FSTL4: variants seen among roughly 807,000 people sequenced by gnomAD.
FSTL4 encodes follistatin-related protein 4.
A neutral mutation model predicts 78.2 loss-of-function variants in FSTL4; 28 were observed. That is an observed-to-expected ratio of 0.36 (90% CI 0.27 to 0.49). The LOEUF (loss-of-function observed/expected upper bound fraction) is 0.49. FSTL4 is among the 20% of genes least tolerant of loss of function. FSTL4 has a pLI of 0.98. For synonymous variants in FSTL4, 422 were observed against 440.5 expected (o/e 0.96, Z 0.53); for missense variants, 922 against 1,084.9 (o/e 0.85, Z 2.11).
chr5:133,666,589 A>AAAG, the FSTL4 span, among the ~76,000 whole-genome samples: 3 of 151,840 alleles, frequency 2.0e-5, no homozygotes, highest in Non-Finnish European at 2.9e-5. Context: ...TAAAAAAAAA[A>AAAG]AAAAAGTCTG....
chr5:133,323,459 G>T (rs1425536206), intron 4 of FSTL4, among the ~76,000 whole-genome samples: 1 of 152,212 alleles, frequency 6.6e-6, no homozygotes, highest in African/African-American at 2.4e-5. Context: ...GGACAGGTTG[G>T]CAACTAAATC....
rs2127002889 is a variant in FSTL4, at chr5:133,440,895, A to T, written c.161-39909T>A. ...GATACAGTGGACTACTGCCTCCTGC[A>T]CTTGGCCTCCTGGGTCTGGGTCAGG... On this transcript the variant is annotated intron_variant, in intron 3 of 15. Transcript: ENST00000265342. The surrounding 1 kb of genome is among the most constrained non-coding windows in gnomAD (Gnocchi z 4.1). 6.6e-6 allele frequency among the ~76,000 whole-genome samples: 1 copy of T among 152,268 alleles called. No individual in the cohort carries two copies. Among genetic ancestry groups the T allele is most frequent in the East Asian group, 1.9e-4 (1 of 5,182 alleles).
At chr5:133,758,670 A>T in the FSTL4 span, among the ~76,000 whole-genome samples, 1 of 152,232 alleles carries the variant, frequency 6.6e-6, no homozygotes, top group Non-Finnish European at 1.5e-5. Flanking sequence ...TGCATTATTT[A>T]TCTATTGCAG....
chr5:133,366,510 G>GAGTGAC (rs1755183855), intron 4 of FSTL4, among the ~76,000 whole-genome samples: 1 of 152,142 alleles, frequency 6.6e-6, no homozygotes. Context: ...TTTACTGACA[G>GAGTGAC]AGTGACAGTG....
At chr5:133,744,118 T>C in the FSTL4 span, among the ~76,000 whole-genome samples, 21 of 152,294 alleles carry the variant, frequency 1.4e-4, no homozygotes, top group African/African-American at 4.8e-4. Context: ...AACCAGCACA[T>C]TTCCTTCATG....
the FSTL4 span, among the ~76,000 whole-genome samples, chr5:133,745,901 A>T: frequency 1.3e-5 from 2 of 152,208 alleles, no homozygotes; most frequent in Non-Finnish European, 2.9e-5. Context: ...AATGACAAAC[A>T]AGTTCCCCGT....
chr5:133,688,913 G>A, the FSTL4 span, among the ~76,000 whole-genome samples: 3 of 152,192 alleles, frequency 2.0e-5, no homozygotes, highest in Non-Finnish European at 4.4e-5. Context: ...GAGAAACAAA[G>A]TCCTGTAGCC....
At chr5:133,702,371 C>G in the FSTL4 span, among the ~76,000 whole-genome samples, 1 of 152,184 alleles carries the variant, frequency 6.6e-6, no homozygotes, top group Admixed American at 6.5e-5. Context: ...AGGGCCAGAC[C>G]AGCGGCAGGT....
chr5:133,689,548 A>G, the FSTL4 span, among the ~76,000 whole-genome samples: 1 of 152,212 alleles, frequency 6.6e-6, no homozygotes, highest in East Asian at 1.9e-4. Flanking sequence ...TGCGTATGCT[A>G]TGCTGGGCAC....
the FSTL4 span, among the ~76,000 whole-genome samples, chr5:133,731,779 C>T: frequency 3.3e-5 from 5 of 152,154 alleles, no homozygotes; most frequent in Non-Finnish European, 7.4e-5. Context: ...AGCTGCTGAC[C>T]GGAGAGGAAG....
chr5:133,789,627 G>A, the FSTL4 span, among the ~76,000 whole-genome samples: 1,673 of 152,272 alleles, frequency 0.011, 35 homozygotes, highest in African/African-American at 0.038. Flanking sequence ...TCAGGCTGTC[G>A]TAACAAAGTA....
At chr5:133,673,761 A>G in the FSTL4 span, among the ~76,000 whole-genome samples, 2 of 152,264 alleles carry the variant, frequency 1.3e-5, no homozygotes, top group Admixed American at 6.5e-5. Flanking sequence ...GGGACTCACA[A>G]TCTAGTGAGG....
intron 6 of FSTL4, among the ~76,000 whole-genome samples, chr5:133,303,676 T>G (rs1237400828): frequency 6.6e-6 from 1 of 152,184 alleles, no homozygotes; most frequent in African/African-American, 2.4e-5. Flanking sequence ...GTGGTGGGGT[T>G]CTGCAGGGCA....
At chr5:133,541,356 T>C (rs549663192) in intron 3 of FSTL4, among the ~76,000 whole-genome samples, 1 of 152,194 alleles carries the variant, frequency 6.6e-6, no homozygotes, top group South Asian at 2.1e-4. Context: ...ATGGACTAGT[T>C]TGCACAGGGA....
At chr5:133,362,675 GGAAAAT>G (rs1325014639) in intron 4 of FSTL4, among the ~76,000 whole-genome samples, 2 of 152,262 alleles carry the variant, frequency 1.3e-5, no homozygotes, top group African/African-American at 4.8e-5. Flanking sequence ...CATGGAGACT[GGAAAAT>G]GCTCCCTGTC....
chr5:133,512,862 G>A (rs538388005), intron 3 of FSTL4, among the ~76,000 whole-genome samples: 2 of 152,176 alleles, frequency 1.3e-5, no homozygotes, highest in South Asian at 4.2e-4. Context: ...CTCTCGCCCA[G>A]GCTGGAGTGC....
chr5:133,737,793 C>T, the FSTL4 span, among the ~76,000 whole-genome samples: 4 of 151,858 alleles, frequency 2.6e-5, no homozygotes, highest in East Asian at 5.8e-4. Flanking sequence ...TTAGTAGAGA[C>T]GGGGTTTCAC....
Position 133,217,287 on chromosome 5 carries a change from G to A in FSTL4, c.1550C>T (p.Ala517Val), listed in dbSNP as rs1211265288. The A allele has an allele frequency of 4.3e-6, 7 of 1,613,678 alleles. No individual in the cohort carries two copies. The highest frequency in any genetic ancestry group is 1.3e-5 in the African/African-American group (1 of 74,880). The change falls in exon 13 of 16, where the codon GCC becomes GTC. Residue 517 changes from alanine (A) to valine (V), a missense_variant. Transcript: ENST00000265342. ...VNVRNRYIYV[A>V]QPALSRVLVV... is the part of the protein sequence containing the mutation. ...AAGGACTCTGCTCAGTGCTGGCTGG[G>A]CCACATAGATGTACCGGTTCCGGAC...
chr5:133,685,466 A>G, the FSTL4 span, among the ~76,000 whole-genome samples: 1 of 152,248 alleles, frequency 6.6e-6, no homozygotes, highest in East Asian at 1.9e-4. Flanking sequence ...GTGTCTACAG[A>G]GAGGAAAACA....
Sources: allele counts gnomAD v4.1 joint callset (sites outside exome capture counted in the v4.1 genomes callset), GRCh38; gene constraint gnomAD v4.1.1; non-coding constraint Gnocchi (gnomAD v3.1); transcripts MANE v1.5; gene names NCBI Gene and HGNC (gene_info 2026-07-23, HGNC 2026-07-21).